Variants in AKAP6 observed in about 807,000 individuals in gnomAD.
The protein encoded by AKAP6 is A-kinase anchoring protein 6.
In AKAP6, 58 loss-of-function variants were observed where a neutral mutation model predicts 188.5. The ratio of observed to expected loss-of-function variants is 0.31; its 90% confidence interval spans 0.25 to 0.38. AKAP6 has a LOEUF of 0.38. Ranked by LOEUF, AKAP6 falls within the 10% of genes least tolerant of loss-of-function variation. AKAP6 has a pLI of 1.00. For synonymous variants in AKAP6, 989 were observed against 998.6 expected, an observed-to-expected ratio of 0.99 and a Z score of 0.18; for missense variants, 2,710 against 2,740.0, an observed-to-expected ratio of 0.99 and a Z score of 0.24.
chr14:32,461,270 C>T (rs900671835), intron 2 of AKAP6, among the ~76,000 whole-genome samples: 15 of 152,206 alleles, frequency 9.9e-5, no homozygotes, highest in African/African-American at 3.1e-4. Flanking sequence ...GACCCCCGTG[C>T]CTCCTGATGG....
rs185303998 is a variant in AKAP6 at position 32,595,800 on chromosome 14, A to T, written c.2470-3610A>T. 5.9e-5 allele frequency among the ~76,000 whole-genome samples: 9 copies of T among 152,286 alleles called. No individual in the cohort carries two copies. In the East Asian group the frequency reaches 1.7e-3, roughly 29 times the overall value. On this transcript the variant is annotated intron_variant, in intron 5 of 13. Transcript: ENST00000280979. The stretch of plus-strand genomic sequence containing the variant: ...AAGGCCCGACCACTCTGTGTTATAC[A>T]CTAAACCCTAATCACACATTTATTC...
intron 1 of AKAP6, chr14:32,375,940 A>G (rs12891388): frequency 1.3e-5 from 2 of 152,198 alleles, no homozygotes; most frequent in Non-Finnish European, 2.9e-5. Context: ...TTCTTCACTT[A>G]CTTAAGATTG....
intron 1 of AKAP6, among the ~76,000 whole-genome samples, chr14:32,423,306 A>ACTAC (rs1398934404): frequency 6.6e-6 from 1 of 152,052 alleles, no homozygotes; most frequent in Non-Finnish European, 1.5e-5. Context: ...GGTATCTGGG[A>ACTAC]CTACGGGTAC....
intron 1 of AKAP6, among the ~76,000 whole-genome samples, chr14:32,402,438 C>T (rs938696824): frequency 1.3e-5 from 2 of 152,128 alleles, no homozygotes; most frequent in Non-Finnish European, 2.9e-5. Flanking sequence ...TTATTATTTC[C>T]TGATATCAAA....
chr14:32,511,372 G>GTTTT (rs11365498), intron 2 of AKAP6, among the ~76,000 whole-genome samples: 2 of 109,344 alleles, frequency 1.8e-5, no homozygotes, highest in Non-Finnish European at 3.8e-5. Flanking sequence ...TACCTTCTTG[G>GTTTT]TTTTTTTTTT....
intron 7 of AKAP6, among the ~76,000 whole-genome samples, chr14:32,673,248 A>G (rs1237317791): frequency 6.6e-6 from 1 of 152,074 alleles, no homozygotes; most frequent in Non-Finnish European, 1.5e-5. Flanking sequence ...CAAACAATAA[A>G]TTATTTTTAT....
chr14:32,498,939 A>T (rs1012338479), intron 2 of AKAP6, among the ~76,000 whole-genome samples: 3 of 146,488 alleles, frequency 2.0e-5, no homozygotes, highest in African/African-American at 7.5e-5. Context: ...ACCTTCAATA[A>T]TTTTTTTTTT....
In AKAP6 at chr14:32,593,245, G is replaced by A. The variant is rs555860756; in HGVS notation, c.2470-6165G>A. Among the ~76,000 whole-genome samples, 3 of 152,300 alleles carry A rather than the reference G, an allele frequency of 2.0e-5. No homozygotes were observed. In the East Asian group the frequency reaches 5.8e-4, roughly 29 times the overall value. ...ATGATGAAAGCCTGAATCTAAGGCA[G>A]TGTCAGTCAATAAGGAGAGATGAAG... is the stretch of plus-strand genomic sequence containing the variant. On this transcript the variant is annotated intron_variant, in intron 5 of 13. Coordinates refer to ENST00000280979, the MANE Select transcript of AKAP6 (RefSeq NM_004274.5).
intron 4 of AKAP6, among the ~76,000 whole-genome samples, chr14:32,562,367 G>C (rs1355488513): frequency 3.5e-5 from 5 of 144,272 alleles, no homozygotes; most frequent in African/African-American, 1.0e-4. Context: ...CTTCCTACCT[G>C]AGCCCCAAAA....
chr14:32,779,293 C>T (rs1444787036), intron 12 of AKAP6, among the ~76,000 whole-genome samples: 1 of 151,468 alleles, frequency 6.6e-6, no homozygotes, highest in Non-Finnish European at 1.5e-5. Context: ...GTCTCAGCTG[C>T]CCACTACTCA....
intron 1 of AKAP6, among the ~76,000 whole-genome samples, chr14:32,405,121 C>T (rs1889244913): frequency 6.6e-6 from 1 of 151,990 alleles, no homozygotes; most frequent in Non-Finnish European, 1.5e-5. Flanking sequence ...AGCCAGTGGT[C>T]CTGTATGAAC....
intron 1 of AKAP6, among the ~76,000 whole-genome samples, chr14:32,353,024 G>A (rs569221816): frequency 2.0e-4 from 31 of 151,662 alleles, no homozygotes; most frequent in African/African-American, 7.5e-4. Flanking sequence ...GAGTGTATCA[G>A]GGTTTCCTTT....
In AKAP6 at chr14:32,372,564, T is replaced by TG. The variant is rs1491133932; in HGVS notation, c.-35+43156_-35+43157insG. 1.7e-3 allele frequency among the ~76,000 whole-genome samples: 3 copies of TG among 1,778 alleles called. No individual in the cohort carries two copies. The Non-Finnish European group carries it at 0.019, about 11-fold the overall frequency. The allele number at this position is 1,778 out of a possible 152,430, so 1.2% of individuals were successfully genotyped here. On this transcript the variant is annotated intron_variant, in intron 1 of 13. Coordinates refer to ENST00000280979, the MANE Select transcript of AKAP6 (RefSeq NM_004274.5). The stretch of plus-strand genomic sequence containing the variant: ...TAGCAATATAATTCTTTAAGATCAC[T>TG]TTTTTTTTTTTAATTTTTGGAAGCT...
At chr14:32,682,878 G>C (rs2139652990) in intron 8 of AKAP6, among the ~76,000 whole-genome samples, 1 of 152,250 alleles carries the variant, frequency 6.6e-6, no homozygotes, top group Non-Finnish European at 1.5e-5. Flanking sequence ...GAATTTGTTA[G>C]AAATGTCATT....
At chr14:32,643,401 G>A (rs1342170335) in intron 7 of AKAP6, among the ~76,000 whole-genome samples, 1 of 151,694 alleles carries the variant, frequency 6.6e-6, no homozygotes, top group African/African-American at 2.4e-5. Context: ...TCTGCCTCCC[G>A]GGTTCAAGTA....
chr14:32,433,330 G>A (rs1890278739), intron 1 of AKAP6, 130 bp from the exon 2 acceptor site: 1 of 670,616 alleles, frequency 1.5e-6, no homozygotes, highest in Admixed American at 3.0e-5. Context: ...TTCTGTTTTT[G>A]TTATGAGCTA....
rs1888924333 is a variant in AKAP6 at position 32,666,139 on chromosome 14, T to A, written c.2731-12172T>A. On this transcript the variant is annotated intron_variant, in intron 7 of 13. Coordinates refer to ENST00000280979, the MANE Select transcript of AKAP6 (RefSeq NM_004274.5). ...CCAATATATTAAAAAGCAAAGGGTT[T>A]TGCTAAGAAAAATATTTTTGATATT... 2.0e-5 allele frequency among the ~76,000 whole-genome samples: 3 copies of A among 152,250 alleles called. No homozygotes were observed. In the South Asian group the frequency reaches 6.2e-4, roughly 32 times the overall value.
At chr14:32,737,609 A>G (rs1178771277) in intron 11 of AKAP6, among the ~76,000 whole-genome samples, 3 of 152,118 alleles carry the variant, frequency 2.0e-5, no homozygotes, top group African/African-American at 7.2e-5. Context: ...ACCCTCTGCC[A>G]TGCTCTGCCT....
intron 7 of AKAP6, among the ~76,000 whole-genome samples, chr14:32,667,157 C>T (rs937727906): frequency 1.4e-4 from 22 of 152,032 alleles, no homozygotes; most frequent in African/African-American, 3.4e-4. Context: ...TTCTGTTTAT[C>T]GTGCATGACC....
Sources: gnomAD v4.1 joint callset for allele counts (sites outside exome capture counted in the v4.1 genomes callset) on GRCh38, gnomAD v4.1.1 for gene constraint, MANE v1.5 for transcripts, NCBI Gene and HGNC (gene_info 2026-07-23, HGNC 2026-07-21) for gene names.